Variants in UGGT2 observed in about 807,000 individuals in gnomAD.
The protein encoded by UGGT2 is UDP-glucose:glycoprotein glucosyltransferase 2.
In UGGT2, 180 loss-of-function variants were observed where a neutral mutation model predicts 192.1. The observed-to-expected ratio is 0.94, with a 90% confidence interval of 0.83 to 1.06. UGGT2 has a LOEUF of 1.06. Among genes scored for constraint, UGGT2 ranks in the 50% least tolerant of loss-of-function variants. UGGT2 has a pLI of 0.00. For synonymous variants in UGGT2, 580 were observed against 591.0 expected, an observed-to-expected ratio of 0.98 and a Z score of 0.27; for missense variants, 1,849 against 1,795.7, an observed-to-expected ratio of 1.03 and a Z score of -0.54.
chr13:95,983,657 C>T (rs2051198915), intron 10 of UGGT2, 147 bp downstream of exon 10: 1 of 681,788 alleles, frequency 1.5e-6, no homozygotes, highest in South Asian at 1.6e-5. Context: ...ATATAGTCCA[C>T]AGTATAAAAA....
chr13:95,999,137 A>C, intron 6 of UGGT2, 74 bp downstream of exon 6: 2 of 1,191,442 alleles, frequency 1.7e-6, no homozygotes, highest in Admixed American at 1.8e-5. Flanking sequence ...ATACTCATTA[A>C]ATTTTTAAAA....
intron 5 of UGGT2, among the ~76,000 whole-genome samples, chr13:96,011,378 AAAACT>A (rs1343310665): frequency 6.6e-6 from 1 of 152,078 alleles, no homozygotes; most frequent in Non-Finnish European, 1.5e-5. Flanking sequence ...AAGAATTCTG[AAAACT>A]AAACAAAAAA....
rs535789352 is a variant in UGGT2 at position 96,046,758 on chromosome 13, T to G, written c.158+6397A>C. On this transcript the variant is annotated intron_variant, in intron 1 of 38. Coordinates refer to ENST00000376747, the MANE Select transcript of UGGT2 (RefSeq NM_020121.4). Reference sequence around the variant, plus strand: ...GACAGATGGCACCTGGAAAATCGGGTCACTCCTACCCTAATACTGCGCTTT... The same window carrying G: ...GACAGATGGCACCTGGAAAATCGGGGCACTCCTACCCTAATACTGCGCTTT... Among the ~76,000 whole-genome samples, 15 of 152,228 alleles carry G rather than the reference T, an allele frequency of 9.9e-5. No homozygotes were observed. In the South Asian group the frequency reaches 3.1e-3, roughly 32 times the overall value.
chr13:95,965,303 G>A (rs1156774053), intron 12 of UGGT2, among the ~76,000 whole-genome samples: 8 of 150,614 alleles, frequency 5.3e-5, no homozygotes, highest in African/African-American at 2.0e-4. Flanking sequence ...TATGTTTATT[G>A]CGGCACTATT....
intron 27 of UGGT2, among the ~76,000 whole-genome samples, chr13:95,883,826 T>G (rs896727751): frequency 5.3e-5 from 8 of 152,114 alleles, no homozygotes; most frequent in Admixed American, 5.2e-4. Flanking sequence ...TTTTTTGTGG[T>G]TTCTGAATTC....
rs201338222 is a variant in UGGT2, at chr13:95,812,085, A to AT, written c.4529-10274dup. Among the ~76,000 whole-genome samples the AT allele has an allele frequency of 9.3e-3, 1,414 of 152,316 alleles. 22 individuals are homozygous for AT. Among genetic ancestry groups the AT allele is most frequent in the African/African-American group, 0.032 (1,347 of 41,562 alleles). On this transcript the variant is annotated intron_variant, in intron 38 of 38. Coordinates refer to ENST00000376747, the MANE Select transcript of UGGT2 (RefSeq NM_020121.4). ...TACTGTAAAAAGACAGATAATAAAT[A>AT]TTTTTAGTTGTGGACTGTGTAATCT...
At chr13:95,850,931 C>A (rs913668658) in intron 36 of UGGT2, among the ~76,000 whole-genome samples, 1 of 152,200 alleles carries the variant, frequency 6.6e-6, no homozygotes, top group Admixed American at 6.5e-5. Context: ...TTACCTGGGG[C>A]AGCCCATATC....
intron 19 of UGGT2, among the ~76,000 whole-genome samples, chr13:95,926,679 G>A (rs9525085): frequency 0.35 from 53,147 of 151,796 alleles, 10,069 homozygotes; most frequent in East Asian, 0.45. Flanking sequence ...ATATCTGCAT[G>A]TTATTTAATC....
At chr13:95,902,353 C>T (rs745797953) in intron 21 of UGGT2, among the ~76,000 whole-genome samples, 1 of 152,076 alleles carries the variant, frequency 6.6e-6, no homozygotes, top group Non-Finnish European at 1.5e-5. Context: ...CAATCAAAAC[C>T]ACTTATAAAT....
chr13:95,871,673 G>A (rs1299387540), intron 29 of UGGT2, among the ~76,000 whole-genome samples: 11 of 152,172 alleles, frequency 7.2e-5, no homozygotes, highest in Non-Finnish European at 1.2e-4. Context: ...AGTTTGTTGG[G>A]CAACTGATGT....
chr13:95,826,709 A>G (rs1594084741), intron 38 of UGGT2, among the ~76,000 whole-genome samples: 1 of 152,226 alleles, frequency 6.6e-6, no homozygotes, highest in East Asian at 1.9e-4. Flanking sequence ...GAATATATAG[A>G]AAGACAATGT....
chr13:96,042,938 T>C (rs1448483178), intron 1 of UGGT2, among the ~76,000 whole-genome samples: 1 of 152,112 alleles, frequency 6.6e-6, no homozygotes, highest in African/African-American at 2.4e-5. Flanking sequence ...GGAAAACATA[T>C]TTGGGGGAAT....
At chr13:95,805,242 T>A (rs994227231) in intron 38 of UGGT2, among the ~76,000 whole-genome samples, 1 of 151,528 alleles carries the variant, frequency 6.6e-6, no homozygotes, top group African/African-American at 2.4e-5. Context: ...ATGAAATTAT[T>A]ACCTCAGACC....
At chr13:95,804,117 A>AT (rs1232309961) in intron 38 of UGGT2, among the ~76,000 whole-genome samples, 6 of 152,138 alleles carry the variant, frequency 3.9e-5, no homozygotes, top group Non-Finnish European at 7.4e-5. Context: ...ATGTCAAAGA[A>AT]TTTTTTCAGA....
intron 22 of UGGT2, among the ~76,000 whole-genome samples, chr13:95,897,019 GCTAA>G (rs2047966222): frequency 6.6e-6 from 1 of 152,000 alleles, no homozygotes; most frequent in South Asian, 2.1e-4. Context: ...TTGATTTTAT[GCTAA>G]CTTTTAGCTA....
At chr13:95,935,039 A>G (rs562090813) in intron 17 of UGGT2, among the ~76,000 whole-genome samples, 43 of 152,094 alleles carry the variant, frequency 2.8e-4, no homozygotes, top group Non-Finnish European at 5.6e-4. Flanking sequence ...TTATCTAAGA[A>G]TAGCAACTCC....
At chr13:95,967,995 GCTTT>G (rs1279960988) in intron 12 of UGGT2, among the ~76,000 whole-genome samples, 2 of 151,916 alleles carry the variant, frequency 1.3e-5, no homozygotes, top group Admixed American at 6.6e-5. Context: ...TTTTATTATA[GCTTT>G]CTTTGAGGAG....
chr13:95,928,145 C>G (rs544151363), intron 17 of UGGT2, among the ~76,000 whole-genome samples: 82 of 152,062 alleles, frequency 5.4e-4, no homozygotes, highest in African/African-American at 1.8e-3. Context: ...AAACCGCCAT[C>G]GTCATCATGG....
At chr13:95,944,653 T>C (rs1479108410) in intron 15 of UGGT2, among the ~76,000 whole-genome samples, 1 of 152,036 alleles carries the variant, frequency 6.6e-6, no homozygotes, top group Admixed American at 6.6e-5. Flanking sequence ...TTAATGTATA[T>C]TCTTATTACT....
Sources: allele counts gnomAD v4.1 joint callset (sites outside exome capture counted in the v4.1 genomes callset), GRCh38; gene constraint gnomAD v4.1.1; transcripts MANE v1.5; gene names NCBI Gene and HGNC (gene_info 2026-07-23, HGNC 2026-07-21).